ZFP64: variants seen among roughly 807,000 people sequenced by gnomAD.
ZFP64 encodes the protein zinc finger protein 64.
A neutral mutation model predicts 51.6 loss-of-function variants in ZFP64; 14 were observed. The observed-to-expected ratio is 0.27, with a 90% CI of 0.18 to 0.42. The LOEUF is 0.42. ZFP64 is among the 10% of genes least tolerant of loss of function. The pLI is 1.00. For synonymous variants in ZFP64, 375 were observed against 361.4 expected, an observed-to-expected ratio of 1.04 and a Z score of -0.43; for missense variants, 754 against 906.8, an observed-to-expected ratio of 0.83 and a Z score of 2.16.
intron 2 of ZFP64, among the ~76,000 whole-genome samples, chr20:52,169,086 T>G (rs1400461869): frequency 6.6e-6 from 1 of 152,232 alleles, no homozygotes; most frequent in African/African-American, 2.4e-5. Flanking sequence ...GCCAGTTATG[T>G]AACTTCATTG....
intron 3 of ZFP64, chr20:52,165,144 G>A (rs144335339): frequency 1.6e-4 from 72 of 460,948 alleles, no homozygotes; most frequent in Admixed American, 8.9e-4. Flanking sequence ...CTGGATCAGA[G>A]GGGAAAAATG....
intron 5 of ZFP64, among the ~76,000 whole-genome samples, chr20:52,136,384 GT>G (rs1979984078): frequency 6.6e-6 from 1 of 152,100 alleles, no homozygotes; most frequent in South Asian, 2.1e-4. Context: ...TCAGTTCTTT[GT>G]TTTTAATAAA....
intron 5 of ZFP64, among the ~76,000 whole-genome samples, chr20:52,128,936 CG>C (rs1348892423): frequency 6.6e-6 from 1 of 151,562 alleles, no homozygotes; most frequent in East Asian, 1.9e-4. Flanking sequence ...TTTTCTGAGA[CG>C]GAGTCTCATT....
chr20:52,088,861 C>A, intron 7 of ZFP64: 1 of 707,046 alleles, frequency 1.4e-6, no homozygotes, highest in East Asian at 2.7e-5. Context: ...ACATAAAAAT[C>A]TGATTGATGG....
At chr20:52,154,574 C>A (rs770603010) in intron 5 of ZFP64, among the ~76,000 whole-genome samples, 12 of 152,168 alleles carry the variant, frequency 7.9e-5, no homozygotes, top group South Asian at 2.1e-4. Flanking sequence ...GCTACTTCAC[C>A]ATGAGCTGCT....
chr20:52,091,475 G>C (rs1266710109), intron 7 of ZFP64, among the ~76,000 whole-genome samples: 1 of 152,160 alleles, frequency 6.6e-6, no homozygotes, highest in Non-Finnish European at 1.5e-5. Flanking sequence ...ATCAATTTTA[G>C]CATCAGGCAA....
intron 4 of ZFP64, among the ~76,000 whole-genome samples, chr20:52,162,304 A>G (rs1042389251): frequency 6.9e-6 from 1 of 145,732 alleles, no homozygotes; most frequent in African/African-American, 2.6e-5. Flanking sequence ...TCTCAAAAGG[A>G]AAAAAAAAAA....
chr20:52,113,422 C>CTTTTTTTTT (rs936439409), intron 5 of ZFP64, among the ~76,000 whole-genome samples: 1 of 96,528 alleles, frequency 1.0e-5, no homozygotes, highest in South Asian at 3.3e-4. Context: ...GCCAGGAATT[C>CTTTTTTTTT]TTTTTTTTTT....
intron 5 of ZFP64, among the ~76,000 whole-genome samples, chr20:52,114,058 C>G (rs570806159): frequency 2.6e-5 from 4 of 152,028 alleles, no homozygotes; most frequent in African/African-American, 9.7e-5. Context: ...CTCTTTTAAG[C>G]GACCAACTTT....
At chr20:52,151,254 C>T, downstream of ZFP64, 3 of 985,372 alleles carry the variant, frequency 3.0e-6, no homozygotes, top group Non-Finnish European at 3.6e-6. Flanking sequence ...CCCACCTTGG[C>T]TCTAAAGAAT....
chr20:52,105,319 C>A, intron 5 of ZFP64: 1 of 1,254,608 alleles, frequency 8.0e-7, no homozygotes, highest in Non-Finnish European at 1.0e-6. Context: ...AAATTACCCC[C>A]CTTCGGCCGG....
chr20:52,152,194 C>T lies in ZFP64; in HGVS notation c.1998G>A (p.Gly666=). 1 of 1,614,088 alleles carries T rather than the reference C, an allele frequency of 6.2e-7. No individual in the cohort carries two copies. Among genetic ancestry groups the T allele is most frequent in the Non-Finnish European group, 8.5e-7 (1 of 1,180,026 alleles). Reference sequence around the variant, plus strand: ...GACAGAGCAAAGCTGGATGGGCTGCCCCTTGAATGATGGAGTAGGTCTGCT... The same window carrying T: ...GACAGAGCAAAGCTGGATGGGCTGCTCCTTGAATGATGGAGTAGGTCTGCT... ...LPKQTYSIIQ[G]AAHPALLCPA... is the part of the protein sequence containing the mutation. The change falls in exon 6 of 6, where the codon GGG becomes GGA. Residue 666 remains glycine, a synonymous_variant. Transcript: ENST00000216923.
At chr20:52,177,651 T>A (rs1277832236) in intron 2 of ZFP64, among the ~76,000 whole-genome samples, 1 of 151,644 alleles carries the variant, frequency 6.6e-6, no homozygotes, top group Non-Finnish European at 1.5e-5. Flanking sequence ...TCCGCACCTT[T>A]GAGCTGCCGA....
In ZFP64 at chr20:52,165,968, C is replaced by G. The variant is rs1354639954; in HGVS notation, c.344G>C (p.Ser115Thr). Residue 115 changes from serine to threonine, a missense_variant, in exon 3 of 6, where the codon AGT becomes ACT. Physicochemically the swap from Ser to Thr is moderately conservative, Grantham distance 58 (BLOSUM62 1). Coordinates refer to ENST00000216923, the MANE Select transcript of ZFP64 (RefSeq NM_018197.3). ...GACAGTGGCTGTCTGGTTTTCATTA[C>G]TTTCCGTGGGCAGGTAAGTTTGATA... ...HGYQTYLPTE[S>T]NENQTATVIS... 3.7e-6 allele frequency: 6 copies of G among 1,613,930 alleles called. No homozygotes were observed. The highest frequency in any genetic ancestry group is 2.7e-5 in the African/African-American group (2 of 74,900).
intron 7 of ZFP64, chr20:52,096,812 C>T (rs1262543588): frequency 3.9e-6 from 1 of 253,852 alleles, no homozygotes; most frequent in Non-Finnish European, 8.1e-6. Context: ...TCACTTGAAC[C>T]TGGGAGGCAG....
At chr20:52,084,619 G>C (rs773172109) in exon 9 of ZFP64, 1 of 1,614,208 alleles carries the variant, frequency 6.2e-7, no homozygotes, top group Non-Finnish European at 8.5e-7. Context: ...AGGGTGCTGA[G>C]CTGTCCCGAG....
intron 3 of ZFP64, chr20:52,165,038 A>G (rs541949549): frequency 1.8e-4 from 100 of 568,412 alleles, no homozygotes; most frequent in Non-Finnish European, 2.7e-4. Context: ...CTTTTCAAAA[A>G]TGTCAAGCTT....
chr20:52,122,698 C>T (rs1266306220), intron 5 of ZFP64, among the ~76,000 whole-genome samples: 2 of 151,960 alleles, frequency 1.3e-5, no homozygotes, highest in Non-Finnish European at 2.9e-5. Flanking sequence ...AAGTTGATTC[C>T]AAATGTCATC....
In ZFP64 at chr20:52,100,894, C is replaced by T. The variant is rs57463676; in HGVS notation, c.764-2307G>A. On this transcript the variant is annotated intron_variant, in intron 5 of 8. Transcript: ENST00000361387. ...AGTGTCATCTGAGTAAATACAATTG[C>T]GTGGCTTCAGATGTCGCAAGTGAGG... Among the ~76,000 whole-genome samples, 532 of 152,262 alleles carry T rather than the reference C, an allele frequency of 3.5e-3. 2 individuals carry two copies. Among genetic ancestry groups the T allele is most frequent in the African/African-American group, 0.012 (500 of 41,542 alleles).
Sources: gnomAD v4.1 joint callset for allele counts (sites outside exome capture counted in the v4.1 genomes callset) on GRCh38, gnomAD v4.1.1 for gene constraint, MANE v1.5 for transcripts, NCBI Gene and HGNC (gene_info 2026-07-23, HGNC 2026-07-21) for gene names.